PDK1: variants seen among roughly 807,000 people sequenced by gnomAD.
The protein encoded by PDK1 is [Pyruvate dehydrogenase (acetyl-transferring)] kinase isozyme 1, mitochondrial.
PDK1 carries 39 observed loss-of-function variants against 54.2 expected under a neutral mutation model. The ratio of observed to expected loss-of-function variants is 0.72; its 90% CI spans 0.56 to 0.94. The LOEUF (loss-of-function observed/expected upper bound fraction) is 0.94, where lower values mean the gene tolerates loss of function less well. Ranked by LOEUF, PDK1 falls within the 40% of genes least tolerant of loss-of-function variation. The pLI is 0.00. For missense variants in PDK1, 552 were observed against 566.0 expected (o/e 0.98, Z 0.25); for synonymous variants, 221 against 207.1 (o/e 1.07, Z -0.58).
intron 8 of PDK1, among the ~76,000 whole-genome samples, chr2:172,578,190 G>C (rs1689680709): frequency 6.6e-6 from 1 of 152,172 alleles, no homozygotes; most frequent in Admixed American, 6.5e-5. Context: ...GAAATCAGCT[G>C]TTACAATCTT....
the PDK1 span, among the ~76,000 whole-genome samples, chr2:172,699,253 C>T: frequency 2.6e-5 from 4 of 152,268 alleles, no homozygotes; most frequent in African/African-American, 7.2e-5. Flanking sequence ...AAATTTGCAG[C>T]ATTTGAGCAC....
At chr2:172,687,178 A>C in the PDK1 span, among the ~76,000 whole-genome samples, 1 of 152,120 alleles carries the variant, frequency 6.6e-6, no homozygotes, top group African/African-American at 2.4e-5. Flanking sequence ...CTCCTTCCCA[A>C]ATATATTTTA....
the PDK1 span, among the ~76,000 whole-genome samples, chr2:172,643,939 A>G: frequency 6.6e-6 from 1 of 152,234 alleles, no homozygotes; most frequent in Admixed American, 6.5e-5. Context: ...CCCAGGCCCC[A>G]CAAATGTCAA....
rs756778856 is a variant in PDK1, at chr2:172,566,843, T to G, written c.692-13T>G. The G allele has an allele frequency of 1.3e-6, 2 of 1,576,594 alleles. No individual in the cohort carries two copies. The highest frequency in any genetic ancestry group is 1.7e-6 in the Non-Finnish European group (2 of 1,150,388). ...TATTAAATCCTTTTTTGTTTTGTTT[T>G]GATTCACACTAGATGGCTATGAAAA... On this transcript the variant is annotated splice_polypyrimidine_tract_variant and intron_variant, in intron 5 of 10. Coordinates refer to ENST00000282077, the MANE Select transcript of PDK1 (RefSeq NM_002610.5).
intron 2 of PDK1, among the ~76,000 whole-genome samples, chr2:172,559,431 A>G (rs995167977): frequency 2.6e-5 from 4 of 152,266 alleles, no homozygotes; most frequent in African/African-American, 9.6e-5. Context: ...GGATATTATA[A>G]GAAAAAATGT....
At chr2:172,668,928 GAGAGAGAGAGAA>G in the PDK1 span, among the ~76,000 whole-genome samples, 62 of 146,474 alleles carry the variant, frequency 4.2e-4, no homozygotes, top group Admixed American at 1.2e-3. Context: ...GAGAGAGAGA[GAGAGAGAGAGAA>G]AGAGAGAGAG....
rs138337512 is a variant in PDK1, at chr2:172,570,064, G to A, written c.847-662G>A. Among the ~76,000 whole-genome samples the A allele has an allele frequency of 4.4e-3, 677 of 152,228 alleles. 7 individuals carry two copies. Among genetic ancestry groups the A allele is most frequent in the African/African-American group, 0.015 (608 of 41,538 alleles). The stretch of plus-strand genomic sequence containing the variant: ...ATCTCCTCCATAAGAGGACTCAATC[G>A]CAATTGCTGTGCCAGGGCCACACAC... On this transcript the variant is annotated intron_variant, in intron 7 of 10. Coordinates refer to ENST00000282077, the MANE Select transcript of PDK1 (RefSeq NM_002610.5).
At chr2:172,679,993 A>G in the PDK1 span, among the ~76,000 whole-genome samples, 1 of 152,232 alleles carries the variant, frequency 6.6e-6, no homozygotes, top group South Asian at 2.1e-4. Flanking sequence ...AGAAATACCA[A>G]AACCAGTCTT....
intron 9 of PDK1, among the ~76,000 whole-genome samples, chr2:172,591,193 A>G (rs1690555807): frequency 6.6e-6 from 1 of 152,226 alleles, no homozygotes; most frequent in Non-Finnish European, 1.5e-5. Context: ...GAGGTTAAAA[A>G]TACAGGGTCC....
Position 172,605,355 on chromosome 2 carries a change from G to C in PDK1, c.*9386G>C, listed in dbSNP as rs1318245692. ...GGAGCTAACTAGACTGTCCAGGTTT[G>C]GTCTACACTGTAATTTTTTTTTTTT... is the stretch of plus-strand genomic sequence containing the variant. On this transcript the variant is annotated 3_prime_UTR_variant, in exon 11 of 11. Transcript: ENST00000282077. The C allele has an allele frequency of 6.7e-6, 1 of 148,828 alleles. No homozygotes were observed. The highest frequency in any genetic ancestry group is 2.5e-5 in the African/African-American group (1 of 39,504). 9.2% of individuals were successfully genotyped at this position (148,828 alleles called of 1,614,324 possible).
chr2:172,584,211 T>G (rs1690080297), intron 8 of PDK1, among the ~76,000 whole-genome samples: 1 of 151,184 alleles, frequency 6.6e-6, no homozygotes, highest in Non-Finnish European at 1.5e-5. Flanking sequence ...AAAATTATAC[T>G]GTTTTTTTCC....
chr2:172,655,540 T>C, the PDK1 span, among the ~76,000 whole-genome samples: 1 of 152,244 alleles, frequency 6.6e-6, no homozygotes, highest in Non-Finnish European at 1.5e-5. Flanking sequence ...TGCTAAGCCA[T>C]ATCTTCTAAG....
chr2:172,693,339 AATC>A, the PDK1 span, among the ~76,000 whole-genome samples: 1 of 152,182 alleles, frequency 6.6e-6, no homozygotes, highest in East Asian at 1.9e-4. Context: ...TGGTGAGGAG[AATC>A]TGCTTGAGTG....
chr2:172,558,308 A>G (rs371881222), intron 1 of PDK1: 1 of 156,274 alleles, frequency 6.4e-6, no homozygotes, highest in South Asian at 2.0e-4. Context: ...GAGTTAGATA[A>G]CAGATTTTCT....
chr2:172,579,320 A>G (rs2149256792), intron 8 of PDK1, among the ~76,000 whole-genome samples: 1 of 152,234 alleles, frequency 6.6e-6, no homozygotes, highest in South Asian at 2.1e-4. Context: ...AGCAGCTACC[A>G]GGCTGCTGGT....
chr2:172,677,944 G>A, the PDK1 span, among the ~76,000 whole-genome samples: 79 of 152,268 alleles, frequency 5.2e-4, 2 homozygotes, highest in South Asian at 0.015. Flanking sequence ...CAAGGCAGGC[G>A]GATCACCTTA....
At position 172,556,337 on chromosome 2, in the gene PDK1, C is replaced by T. The variant is rs1256127032; in HGVS notation, c.187C>T (p.Leu63=). The T allele has an allele frequency of 6.9e-7, 1 of 1,458,890 alleles. No homozygotes were observed. The highest frequency in any genetic ancestry group is 2.8e-5 in the East Asian group (1 of 36,226). 90.4% of individuals were successfully genotyped at this position (1,458,890 alleles called of 1,614,324 possible). Residue 63 remains leucine (L), a synonymous_variant, in exon 1 of 11, where the codon CTG becomes TTG. Coordinates refer to ENST00000282077, the MANE Select transcript of PDK1 (RefSeq NM_002610.5). ...SPSPLSMKQF[L]DFGSVNACEK... Reference sequence around the variant, plus strand: ...GTCCCCGCTCTCCATGAAGCAGTTCCTGGACTTCGGTGAGTGCGGCCCGGG... The same window carrying T: ...GTCCCCGCTCTCCATGAAGCAGTTCTTGGACTTCGGTGAGTGCGGCCCGGG...
the PDK1 span, among the ~76,000 whole-genome samples, chr2:172,648,658 T>C: frequency 1.3e-5 from 2 of 152,204 alleles, no homozygotes; most frequent in Admixed American, 6.5e-5. Context: ...TCCAATGGCC[T>C]TAGCAAATGG....
At chr2:172,681,541 C>A in the PDK1 span, among the ~76,000 whole-genome samples, 1 of 152,202 alleles carries the variant, frequency 6.6e-6, no homozygotes, top group African/African-American at 2.4e-5. Flanking sequence ...AACAAATATT[C>A]ATTGAGCACC....
Sources: allele counts gnomAD v4.1 joint callset (sites outside exome capture counted in the v4.1 genomes callset), GRCh38; gene constraint gnomAD v4.1.1; transcripts MANE v1.5; gene names NCBI Gene and HGNC (gene_info 2026-07-23, HGNC 2026-07-21).